PLD1: variants seen among roughly 807,000 people sequenced by gnomAD.
PLD1 encodes the protein phospholipase D1.
A neutral mutation model predicts 137.1 loss-of-function variants in PLD1; 112 were observed. That is an observed-to-expected ratio of 0.82 (90% CI 0.70 to 0.96). The LOEUF (loss-of-function observed/expected upper bound fraction) is 0.96, where lower values mean the gene tolerates loss of function less well. Among genes scored for constraint, PLD1 ranks in the 40% least tolerant of loss-of-function variants. The pLI is 0.00. For missense variants in PLD1, 1,321 were observed against 1,342.0 expected (o/e 0.98, Z 0.24); for synonymous variants, 431 against 454.7 (o/e 0.95, Z 0.66).
chr3:171,623,596 A>C (rs1191339751), intron 23 of PLD1, among the ~76,000 whole-genome samples: 3 of 151,996 alleles, frequency 2.0e-5, no homozygotes, highest in Non-Finnish European at 4.4e-5. Context: ...TGCTGGGATT[A>C]CAGGCATGAG....
intron 23 of PLD1, among the ~76,000 whole-genome samples, chr3:171,630,370 G>C (rs1361667588): frequency 1.4e-5 from 2 of 143,228 alleles, no homozygotes; most frequent in South Asian, 2.2e-4. Flanking sequence ...AACAACAGGT[G>C]CTGGAGAGGA....
At chr3:171,647,120 G>A (rs1367594251) in intron 21 of PLD1, among the ~76,000 whole-genome samples, 3 of 152,210 alleles carry the variant, frequency 2.0e-5, no homozygotes, top group Non-Finnish European at 1.5e-5. Context: ...TATGTGATAA[G>A]CTCCTTTGAA....
intron 1 of PLD1, among the ~76,000 whole-genome samples, chr3:171,764,863 GAAAGAAA>G (rs1721728029): frequency 4.1e-5 from 1 of 24,508 alleles, no homozygotes; most frequent in African/African-American, 1.7e-4. Context: ...AAGAAAGAAA[GAAAGAAA>G]GAAAGAAAGA....
intron 1 of PLD1, among the ~76,000 whole-genome samples, chr3:171,794,573 C>T (rs142656239): frequency 6.6e-6 from 1 of 152,124 alleles, no homozygotes; most frequent in East Asian, 1.9e-4. Flanking sequence ...TTCTGTTTTG[C>T]TAATTGTCTA....
chr3:171,759,618 T>C (rs1197380390), intron 1 of PLD1, among the ~76,000 whole-genome samples: 9 of 152,236 alleles, frequency 5.9e-5, no homozygotes, highest in Non-Finnish European at 1.3e-4. Flanking sequence ...AGTTTCCTAA[T>C]AGAAAAGCTA....
intron 1 of PLD1, among the ~76,000 whole-genome samples, chr3:171,738,291 T>C (rs1035180635): frequency 5.3e-5 from 8 of 150,624 alleles, no homozygotes; most frequent in Admixed American, 2.6e-4. Context: ...GAGTGCTTAA[T>C]TGAAAACAAG....
At chr3:171,752,949 T>C (rs1720765656) in intron 1 of PLD1, among the ~76,000 whole-genome samples, 1 of 152,190 alleles carries the variant, frequency 6.6e-6, no homozygotes, top group African/African-American at 2.4e-5. Flanking sequence ...ACCTCTTCAA[T>C]GCACTGAGAA....
intron 3 of PLD1, among the ~76,000 whole-genome samples, chr3:171,736,120 A>G (rs1197491636): frequency 6.6e-6 from 1 of 152,160 alleles, no homozygotes; most frequent in Non-Finnish European, 1.5e-5. Context: ...CTTGTGAAAC[A>G]CATTCCAAGG....
chr3:171,745,997 C>A (rs575567682), intron 1 of PLD1, among the ~76,000 whole-genome samples: 1 of 144,460 alleles, frequency 6.9e-6, no homozygotes, highest in Admixed American at 6.8e-5. Flanking sequence ...CTGGCGCCAC[C>A]GGCCCCGGGC....
At chr3:171,709,292 C>T (rs897466874) in intron 10 of PLD1, among the ~76,000 whole-genome samples, 2 of 152,172 alleles carry the variant, frequency 1.3e-5, no homozygotes, top group African/African-American at 4.8e-5. Flanking sequence ...CTTCCATTTG[C>T]ATCATTAAAG....
chr3:171,748,539 A>G (rs1306638714), intron 1 of PLD1, among the ~76,000 whole-genome samples: 6 of 152,150 alleles, frequency 3.9e-5, no homozygotes, highest in Admixed American at 3.9e-4. Context: ...TATGAGAAGA[A>G]TGGATCTGGC....
rs1732748650 is a variant in PLD1 at position 171,612,522 on chromosome 3, A to C, written c.2729-90T>G. The stretch of plus-strand genomic sequence containing the variant: ...CCAACTCAATTCATCCTTGCAAACA[A>C]AACCGTAATTTTGTCCAGGTTTTCA... On this transcript the variant is annotated intron_variant, in intron 24 of 26. Coordinates refer to ENST00000351298, the MANE Select transcript of PLD1 (RefSeq NM_002662.5). This position sits in a 1 kb window ranked among gnomAD's most constrained non-coding sequence, Gnocchi z 4.1. The C allele has an allele frequency of 4.7e-6, 6 of 1,283,654 alleles. No individual in the cohort carries two copies. Among genetic ancestry groups the C allele is most frequent in the East Asian group, 4.7e-5 (2 of 42,884 alleles). 79.5% of individuals were successfully genotyped at this position (1,283,654 alleles called of 1,614,324 possible).
At chr3:171,764,862 A>AGGAAGGAAGGAAGGAAGGAAGGAAG (rs796433081) in intron 1 of PLD1, among the ~76,000 whole-genome samples, 1 of 24,830 alleles carries the variant, frequency 4.0e-5, no homozygotes, top group African/African-American at 1.7e-4. Flanking sequence ...AAAGAAAGAA[A>AGGAAGGAAGGAAGGAAGGAAGGAAG]GAAAGAAAGA....
chr3:171,780,121 A>C lies in PLD1; in HGVS notation c.-32+30278T>G, dbSNP rs151221979. Among the ~76,000 whole-genome samples the C allele has an allele frequency of 2.3e-3, 291 of 125,702 alleles. 1 individual carries two copies. The highest frequency in any genetic ancestry group is 0.012 in the African/African-American group (269 of 23,326). The allele number at this position is 125,702 out of a possible 152,430, so 82.5% of individuals were successfully genotyped here. The stretch of plus-strand genomic sequence containing the variant: ...ATATACATAAGTCTGAGATTCAGGA[A>C]TGGGGTTTGGATATGTAAGTCTGAG... On this transcript the variant is annotated intron_variant, in intron 1 of 26. Coordinates refer to ENST00000351298, the MANE Select transcript of PLD1 (RefSeq NM_002662.5).
chr3:171,768,028 T>C (rs116434431), intron 1 of PLD1, among the ~76,000 whole-genome samples: 7,062 of 151,796 alleles, frequency 0.047, 568 homozygotes, highest in African/African-American at 0.16. Context: ...TTATTATTAT[T>C]ATTATTATTA....
intron 23 of PLD1, among the ~76,000 whole-genome samples, chr3:171,631,678 C>T (rs1304881378): frequency 1.3e-5 from 2 of 152,094 alleles, no homozygotes; most frequent in Non-Finnish European, 2.9e-5. Context: ...AATCATCAAG[C>T]CACCTTTAAA....
At chr3:171,704,878 C>T (rs9832053) in intron 11 of PLD1, among the ~76,000 whole-genome samples, 2 of 152,156 alleles carry the variant, frequency 1.3e-5, no homozygotes, top group Non-Finnish European at 2.9e-5. Context: ...AACTGTTGCA[C>T]CTCAGATAGG....
chr3:171,632,150 A>G (rs750376347), intron 23 of PLD1, among the ~76,000 whole-genome samples: 2 of 152,184 alleles, frequency 1.3e-5, no homozygotes, highest in Non-Finnish European at 2.9e-5. Flanking sequence ...CTGCTCCAAA[A>G]AAGCATAAGC....
intron 1 of PLD1, among the ~76,000 whole-genome samples, chr3:171,741,555 G>T (rs2108272333): frequency 6.6e-6 from 1 of 152,274 alleles, no homozygotes; most frequent in African/African-American, 2.4e-5. Context: ...AATTGATTTT[G>T]TTACCTCCTT....
Sources: gnomAD v4.1 joint callset for allele counts (sites outside exome capture counted in the v4.1 genomes callset) on GRCh38, gnomAD v4.1.1 for gene constraint, Gnocchi (gnomAD v3.1) non-coding constraint, MANE v1.5 for transcripts, NCBI Gene and HGNC (gene_info 2026-07-23, HGNC 2026-07-21) for gene names.